The following MICAL3 variants were observed in gnomAD, a reference collection of about 807,000 sequenced individuals.
The protein encoded by MICAL3 is [F-actin]-monooxygenase MICAL3.
Under a neutral mutation model 207.4 loss-of-function variants are expected in MICAL3, and 62 were observed. The ratio of observed to expected loss-of-function variants is 0.30; its 90% CI spans 0.24 to 0.37. MICAL3 has a LOEUF of 0.37. Among genes scored for constraint, MICAL3 ranks in the 10% least tolerant of loss-of-function variants. The pLI is 1.00. For synonymous variants in MICAL3, 1,077 were observed against 1,069.3 expected (o/e 1.01, Z -0.14); for missense variants, 2,368 against 2,635.6 (o/e 0.90, Z 2.22).
In MICAL3 at chr22:17,904,612, G is replaced by A; in HGVS notation, c.472+20C>T. On this transcript the variant is annotated intron_variant, in intron 3 of 31. Coordinates refer to ENST00000441493, the MANE Select transcript of MICAL3 (RefSeq NM_015241.3). ...GCAAGGGGTAGGGTGGAATCTTACAGGAAAGCTAGTTTTACTTACTGATAT... is the reference window on the plus strand; with the variant it reads ...GCAAGGGGTAGGGTGGAATCTTACAAGAAAGCTAGTTTTACTTACTGATAT... 6.3e-7 allele frequency: 1 copy of A among 1,594,608 alleles called. No individual in the cohort carries two copies. The highest frequency in any genetic ancestry group is 8.6e-7 in the Non-Finnish European group (1 of 1,163,570).
At chr22:17,944,542 G>C (rs9605443) in intron 1 of MICAL3, among the ~76,000 whole-genome samples, 8,959 of 152,230 alleles carry the variant, frequency 0.059, 395 homozygotes, top group African/African-American at 0.13. Context: ...CCTCCGCTTT[G>C]CTAATGGCAC....
intron 19 of MICAL3, among the ~76,000 whole-genome samples, chr22:17,856,518 AT>A (rs1925905642): frequency 6.6e-6 from 1 of 151,810 alleles, no homozygotes; most frequent in Non-Finnish European, 1.5e-5. Context: ...ACCAACGCCA[AT>A]GCCCCAAGAA....
intron 1 of MICAL3, among the ~76,000 whole-genome samples, chr22:17,922,342 T>C (rs1932820368): frequency 6.6e-6 from 1 of 152,088 alleles, no homozygotes; most frequent in African/African-American, 2.4e-5. Context: ...ACATCTAATG[T>C]CACAGAACTA....
intron 19 of MICAL3, chr22:17,860,065 G>A (rs2146125260): frequency 2.1e-6 from 1 of 475,098 alleles, no homozygotes; most frequent in Non-Finnish European, 2.8e-6. Flanking sequence ...GAGCCACAGT[G>A]GCCTCAAGCT....
intron 16 of MICAL3, among the ~76,000 whole-genome samples, chr22:17,884,560 G>A (rs1257294169): frequency 2.6e-5 from 4 of 152,168 alleles, no homozygotes; most frequent in Admixed American, 2.6e-4. Context: ...AAAAGCAAAT[G>A]CAAAAGAACA....
rs915598213 is a variant in MICAL3 at position 17,793,115 on chromosome 22, G to C, written c.5651-1814C>G. Among the ~76,000 whole-genome samples the C allele has an allele frequency of 6.6e-6, 1 of 152,196 alleles. No individual in the cohort carries two copies. Among genetic ancestry groups the C allele is most frequent in the Non-Finnish European group, 1.5e-5 (1 of 68,022 alleles). ...AGCTCGCCCACGGCCGCCAGGCAGGGGCTGTGGTGTGTGAGCGAGAGTCGG... is the reference window on the plus strand; with the variant it reads ...AGCTCGCCCACGGCCGCCAGGCAGGCGCTGTGGTGTGTGAGCGAGAGTCGG... On this transcript the variant is annotated intron_variant, in intron 29 of 31. Transcript: ENST00000441493. This position sits in a 1 kb window ranked among gnomAD's most constrained non-coding sequence, Gnocchi z 4.1.
At chr22:17,835,412 T>C (rs922116027) in intron 20 of MICAL3, among the ~76,000 whole-genome samples, 5 of 152,222 alleles carry the variant, frequency 3.3e-5, no homozygotes, top group Admixed American at 6.5e-5. Context: ...AGTTTCCAAC[T>C]CCTTTCCAGT....
At position 17,790,831 on chromosome 22, in the gene MICAL3, CAGTG is replaced by C; in HGVS notation, c.5906_5909del (p.Ser1969TrpfsTer92). 1 of 1,613,868 alleles carries C rather than the reference CAGTG, an allele frequency of 6.2e-7. No homozygotes were observed. Among genetic ancestry groups the C allele is most frequent in the Non-Finnish European group, 8.5e-7 (1 of 1,179,880 alleles). On this transcript the variant is annotated frameshift_variant, in exon 32 of 32. Transcript: ENST00000441493. LOFTEE classifies it high-confidence loss of function. ...GCCGCTGCTCCTCCAGCAGCGCCAC[CAGTG>C]AGTCTCTCTGCTCCACCACCTCCAG...
chr22:17,870,373 C>T (rs1484501432), intron 17 of MICAL3, among the ~76,000 whole-genome samples: 1 of 152,164 alleles, frequency 6.6e-6, no homozygotes, highest in Non-Finnish European at 1.5e-5. Context: ...ACAACCTAGG[C>T]TGTGTAACCG....
Position 17,963,769 on chromosome 22 carries a change from T to C in MICAL3, c.-74-56883A>G, listed in dbSNP as rs12169447. On this transcript the variant is annotated intron_variant, in intron 1 of 31. Coordinates refer to ENST00000441493, the MANE Select transcript of MICAL3 (RefSeq NM_015241.3). The stretch of plus-strand genomic sequence containing the variant: ...GGAGGGTCGCTTCTGTGTCTCCTCC[T>C]ACTCCACACCCACATGAATCCCACA... Among the ~76,000 whole-genome samples the C allele has an allele frequency of 4.3e-3, 658 of 152,306 alleles. 5 individuals carry two copies. Among genetic ancestry groups the C allele is most frequent in the African/African-American group, 0.015 (606 of 41,566 alleles).
At chr22:17,913,031 T>C (rs912250572) in intron 1 of MICAL3, among the ~76,000 whole-genome samples, 2 of 152,182 alleles carry the variant, frequency 1.3e-5, no homozygotes, top group Non-Finnish European at 2.9e-5. Flanking sequence ...ATTTCTATCA[T>C]GAGAAGGTAT....
intron 27 of MICAL3, chr22:17,811,084 C>A: frequency 2.5e-6 from 1 of 402,106 alleles, no homozygotes; most frequent in South Asian, 3.2e-5. Context: ...ATTTCCCCAC[C>A]TCTGCACAGG....
intron 1 of MICAL3, among the ~76,000 whole-genome samples, chr22:17,920,379 C>G (rs145984050): frequency 6.6e-6 from 1 of 152,316 alleles, no homozygotes; most frequent in African/African-American, 2.4e-5. Context: ...TAATGACCCT[C>G]TTCCGGTCAT....
chr22:18,022,949 A>C (rs995486864), intron 1 of MICAL3, among the ~76,000 whole-genome samples: 5 of 152,160 alleles, frequency 3.3e-5, no homozygotes, highest in African/African-American at 1.2e-4. Flanking sequence ...CTGTTCCGAG[A>C]GTGATGATCC....
At chr22:17,976,048 C>CAA (rs35535653) in intron 1 of MICAL3, among the ~76,000 whole-genome samples, 1 of 145,888 alleles carries the variant, frequency 6.9e-6, no homozygotes, top group African/African-American at 2.5e-5. Flanking sequence ...GACTGGGTCT[C>CAA]AAAAAAAAAA....
chr22:17,855,236 G>C (rs1240345181), intron 19 of MICAL3, among the ~76,000 whole-genome samples: 1 of 152,210 alleles, frequency 6.6e-6, no homozygotes, highest in South Asian at 2.1e-4. Flanking sequence ...GAGTAGATCA[G>C]AATGTCCATA....
chr22:17,929,535 T>C (rs1235243844), intron 1 of MICAL3, among the ~76,000 whole-genome samples: 2 of 151,636 alleles, frequency 1.3e-5, no homozygotes, highest in Non-Finnish European at 2.9e-5. Flanking sequence ...CCATCTGTGC[T>C]CTATTTCATT....
chr22:17,886,177 C>T (rs1929853428), intron 15 of MICAL3, 126 bp from the exon 16 acceptor site: 2 of 977,422 alleles, frequency 2.0e-6, no homozygotes, highest in Non-Finnish European at 3.1e-6. Context: ...CTCAAGGTTC[C>T]CGTGTCCACA....
In MICAL3 at chr22:17,820,845, AAAAT is replaced by A. The variant is rs1338856239; in HGVS notation, c.3531+578_3531+581del. The stretch of plus-strand genomic sequence containing the variant: ...TTTTTAATATATTATAAATTTATAA[AAAAT>A]AAATTTGTTCTAATAAATTTTAATA... On this transcript the variant is annotated intron_variant, in intron 25 of 31. Coordinates refer to ENST00000441493, the MANE Select transcript of MICAL3 (RefSeq NM_015241.3). Among the ~76,000 whole-genome samples the A allele has an allele frequency of 6.1e-5, 9 of 147,328 alleles. No individual in the cohort carries two copies. The South Asian group carries it at 1.5e-3, about 24-fold the overall frequency.
Sources: gnomAD v4.1 joint callset for allele counts (sites outside exome capture counted in the v4.1 genomes callset) on GRCh38, gnomAD v4.1.1 for gene constraint, Gnocchi (gnomAD v3.1) non-coding constraint, MANE v1.5 for transcripts, NCBI Gene and HGNC (gene_info 2026-07-23, HGNC 2026-07-21) for gene names.